The following CADM2 variants were observed in gnomAD, a reference collection of about 807,000 sequenced individuals.
CADM2 encodes cell adhesion molecule 2.
Under a neutral mutation model 49.8 loss-of-function variants are expected in CADM2, and 12 were observed. The ratio of observed to expected loss-of-function variants is 0.24; its 90% CI spans 0.15 to 0.39. CADM2 has a LOEUF of 0.39. Among genes scored for constraint, CADM2 ranks in the 10% least tolerant of loss-of-function variants. The pLI is 1.00. For synonymous variants in CADM2, 214 were observed against 175.4 expected, an observed-to-expected ratio of 1.22 and a Z score of -1.74; for missense variants, 378 against 492.3, an observed-to-expected ratio of 0.77 and a Z score of 2.20.
intron 3 of CADM2, among the ~76,000 whole-genome samples, chr3:85,839,504 G>A (rs539928950): frequency 1.3e-5 from 2 of 151,648 alleles, no homozygotes; most frequent in Admixed American, 6.6e-5. Flanking sequence ...TTTAACCTTA[G>A]GACTATTTCT....
rs73130773 is a variant in CADM2 at position 85,338,225 on chromosome 3, A to G, written c.61+378557A>G. On this transcript the variant is annotated intron_variant, in intron 1 of 9. Transcript: ENST00000383699. ...TACATATAAGCCTTTTCCGCATTAA[A>G]CTTGTGTGTCCCATATCACAGGCAG... is the stretch of plus-strand genomic sequence containing the variant. Among the ~76,000 whole-genome samples, 165 of 151,738 alleles carry G rather than the reference A, an allele frequency of 1.1e-3. 1 individual carries two copies. Among genetic ancestry groups the G allele is most frequent in the Non-Finnish European group, 1.9e-3 (131 of 67,656 alleles).
At chr3:86,050,579 C>A (rs1443508862) in intron 8 of CADM2, among the ~76,000 whole-genome samples, 1 of 152,176 alleles carries the variant, frequency 6.6e-6, no homozygotes, top group East Asian at 1.9e-4. Flanking sequence ...GCCACTGAAG[C>A]AGGCTTCTGC....
At chr3:85,664,390 T>C (rs988590980) in intron 1 of CADM2, among the ~76,000 whole-genome samples, 1 of 152,042 alleles carries the variant, frequency 6.6e-6, no homozygotes, top group Non-Finnish European at 1.5e-5. Context: ...TTTCAAATGA[T>C]TTCGCATTTC....
intron 2 of CADM2, among the ~76,000 whole-genome samples, chr3:85,767,940 G>A (rs2069744223): frequency 6.6e-6 from 1 of 152,066 alleles, no homozygotes; most frequent in African/African-American, 2.4e-5. Flanking sequence ...TTGTACAACA[G>A]ATTTATTAAA....
chr3:85,580,735 G>T (rs560924410), intron 1 of CADM2, among the ~76,000 whole-genome samples: 2 of 152,072 alleles, frequency 1.3e-5, no homozygotes, highest in South Asian at 4.2e-4. Flanking sequence ...TCATAATTTT[G>T]TTAAAACTAC....
At chr3:85,692,692 T>C (rs1241050868) in intron 1 of CADM2, among the ~76,000 whole-genome samples, 2 of 152,240 alleles carry the variant, frequency 1.3e-5, no homozygotes. Flanking sequence ...TGATTGTGAC[T>C]GAAAGAACTT....
intron 8 of CADM2, among the ~76,000 whole-genome samples, chr3:86,044,416 T>G (rs1736370233): frequency 6.6e-6 from 1 of 152,164 alleles, no homozygotes; most frequent in Admixed American, 6.5e-5. Context: ...GAACAGACAC[T>G]TCTCAAAAGA....
chr3:85,768,498 CT>C (rs10707034), intron 2 of CADM2, among the ~76,000 whole-genome samples: 103,492 of 146,840 alleles, frequency 0.7, 37,728 homozygotes, highest in African/African-American at 0.91. Flanking sequence ...ATTTAAAATA[CT>C]TTTTTTTTTA....
chr3:85,312,572 T>C (rs1168976538), intron 1 of CADM2, among the ~76,000 whole-genome samples: 2 of 152,176 alleles, frequency 1.3e-5, no homozygotes, highest in East Asian at 3.9e-4. Context: ...CCACTTGGAA[T>C]GTTTACATCA....
At chr3:85,044,696 G>GA (rs34817203) in intron 1 of CADM2, among the ~76,000 whole-genome samples, 3 of 151,968 alleles carry the variant, frequency 2.0e-5, no homozygotes, top group African/African-American at 4.8e-5. Flanking sequence ...CAGTTGCCAA[G>GA]AAAAAACCAG....
intron 1 of CADM2, among the ~76,000 whole-genome samples, chr3:85,026,122 GTAAA>G (rs1206749308): frequency 4.6e-5 from 7 of 152,090 alleles, no homozygotes; most frequent in African/African-American, 7.2e-5. Context: ...TAATTTTACA[GTAAA>G]TATTTTCTTT....
At chr3:85,407,158 C>T (rs149259465) in intron 1 of CADM2, among the ~76,000 whole-genome samples, 5 of 152,216 alleles carry the variant, frequency 3.3e-5, no homozygotes, top group East Asian at 3.9e-4. Flanking sequence ...GCTGTGATCA[C>T]GCCACTGCAC....
chr3:85,660,366 C>T (rs1450693106), intron 1 of CADM2, among the ~76,000 whole-genome samples: 1 of 151,476 alleles, frequency 6.6e-6, no homozygotes, highest in African/African-American at 2.4e-5. Context: ...AGATAGTCTA[C>T]AACCTTTTAG....
At chr3:85,525,748 T>C (rs2061146585) in intron 1 of CADM2, among the ~76,000 whole-genome samples, 1 of 152,162 alleles carries the variant, frequency 6.6e-6, no homozygotes, top group South Asian at 2.1e-4. Context: ...TGCGTTCTTT[T>C]GGATTTGCTA....
At chr3:85,916,313 C>T (rs1332925067) in intron 6 of CADM2, among the ~76,000 whole-genome samples, 1 of 140,730 alleles carries the variant, frequency 7.1e-6, no homozygotes, top group African/African-American at 2.6e-5. Context: ...TAATACTATC[C>T]CTTCCCCCTC....
At chr3:85,636,323 A>G (rs999975089) in intron 1 of CADM2, among the ~76,000 whole-genome samples, 2 of 152,220 alleles carry the variant, frequency 1.3e-5, no homozygotes, top group African/African-American at 2.4e-5. Flanking sequence ...GTTTATAACA[A>G]AAAAGCTTAA....
intron 1 of CADM2, among the ~76,000 whole-genome samples, chr3:84,985,559 TAATG>T (rs1224501941): frequency 6.6e-6 from 1 of 151,454 alleles, no homozygotes; most frequent in Non-Finnish European, 1.5e-5. Context: ...TTATTAATAA[TAATG>T]AAGAGAGAAC....
At chr3:85,812,065 G>A (rs2072917434) in intron 3 of CADM2, among the ~76,000 whole-genome samples, 1 of 151,962 alleles carries the variant, frequency 6.6e-6, no homozygotes, top group Non-Finnish European at 1.5e-5. Context: ...TGGGCATTGA[G>A]AATACTAAAA....
At chr3:85,506,436 A>G (rs80256457) in intron 1 of CADM2, among the ~76,000 whole-genome samples, 12,233 of 152,256 alleles carry the variant, frequency 0.08, 949 homozygotes, top group African/African-American at 0.18. Context: ...TTCCAGCCTT[A>G]TTCCTGATAG....
Sources: gnomAD v4.1 joint callset for allele counts (sites outside exome capture counted in the v4.1 genomes callset) on GRCh38, gnomAD v4.1.1 for gene constraint, MANE v1.5 for transcripts, NCBI Gene and HGNC (gene_info 2026-07-23, HGNC 2026-07-21) for gene names.